Variants in SREK1 observed in about 807,000 individuals in gnomAD.
The protein encoded by SREK1 is splicing regulatory glutamic acid and lysine rich protein 1, also known as splicing regulatory glutamine/lysine-rich protein 1.
A neutral mutation model predicts 66.5 loss-of-function variants in SREK1; 13 were observed. The ratio of observed to expected loss-of-function variants is 0.20; its 90% CI spans 0.13 to 0.31. The LOEUF is 0.31. Ranked by LOEUF, SREK1 falls within the 10% of genes least tolerant of loss-of-function variation. SREK1 has a pLI of 1.00. For missense variants in SREK1, 607 were observed against 769.6 expected, an observed-to-expected ratio of 0.79 and a Z score of 2.50; for synonymous variants, 265 against 263.5, an observed-to-expected ratio of 1.01 and a Z score of -0.05.
At position 66,170,943 on chromosome 5, in the gene SREK1, A is replaced by C; in HGVS notation, c.1480A>C (p.Ser494Arg). Residue 494 changes from serine (S) to arginine (R), a missense_variant, in exon 9 of 12, where the codon AGC becomes CGC. This residue lies in a region of SREK1 where 318 missense variants were observed against 310.3 expected (regional missense o/e 1.02). Coordinates refer to ENST00000334121, the MANE Select transcript of SREK1 (RefSeq NM_001077199.3). ...TGCATCGCGAAGATCTCGTAGTTCC[A>C]GCAGGTTTGATAATGCTTAAAATTT... ...YNASRRSRSS[S>R]RERRRRRSRS... is the part of the protein sequence containing the mutation. 1 of 1,597,838 alleles carries C rather than the reference A, an allele frequency of 6.3e-7. No individual in the cohort carries two copies. Among genetic ancestry groups the C allele is most frequent in the Non-Finnish European group, 8.5e-7 (1 of 1,175,018 alleles).
intron 1 of SREK1, among the ~76,000 whole-genome samples, chr5:66,152,450 G>A (rs1249504624): frequency 6.6e-6 from 1 of 152,182 alleles, no homozygotes; most frequent in African/African-American, 2.4e-5. Flanking sequence ...TTAGTTGAAT[G>A]ATTACAGTTG....
chr5:66,160,302 A>G (rs1469284312), intron 3 of SREK1, among the ~76,000 whole-genome samples: 1 of 152,242 alleles, frequency 6.6e-6, no homozygotes, highest in Non-Finnish European at 1.5e-5. Flanking sequence ...TAGGAATTGA[A>G]CTAAGAAATG....
chr5:66,180,125 G>T lies in SREK1; in HGVS notation c.*1257G>T, dbSNP rs1007249976. ...TGTACTTAAGGACTTAGGAGTATAT[G>T]GGAGGTTATTGGTTTTATGTTTAAG... On this transcript the variant is annotated 3_prime_UTR_variant, in exon 12 of 12. Coordinates refer to ENST00000334121, the MANE Select transcript of SREK1 (RefSeq NM_001077199.3). 1.3e-5 allele frequency: 2 copies of T among 152,476 alleles called. No individual in the cohort carries two copies. Among genetic ancestry groups the T allele is most frequent in the Non-Finnish European group, 2.9e-5 (2 of 67,972 alleles). The allele number at this position is 152,476 out of a possible 1,614,324, so 9.4% of individuals were successfully genotyped here.
intron 1 of SREK1, chr5:66,145,007 T>C (rs1474839053): frequency 1.1e-4 from 111 of 986,672 alleles, no homozygotes; most frequent in Non-Finnish European, 1.3e-4. Flanking sequence ...CTGCTGCTGG[T>C]GACAAGATGG....
chr5:66,159,706 AAAACAG>A (rs2112008059), intron 3 of SREK1, among the ~76,000 whole-genome samples: 2 of 152,352 alleles, frequency 1.3e-5, no homozygotes, highest in African/African-American at 4.8e-5. Context: ...TAATGGGAAA[AAAACAG>A]GTCTTTGTCT....
rs1188230316 is a variant in SREK1, at chr5:66,179,569, T to A, written c.*701T>A. 6.6e-6 allele frequency: 1 copy of A among 152,566 alleles called. No homozygotes were observed. The highest frequency in any genetic ancestry group is 1.5e-5 in the Non-Finnish European group (1 of 67,970). 9.5% of individuals were successfully genotyped at this position (152,566 alleles called of 1,614,324 possible). A position where few individuals can be genotyped will look rare whatever the true frequency, so the allele number is the denominator to read the frequency against. On this transcript the variant is annotated 3_prime_UTR_variant, in exon 12 of 12. Transcript: ENST00000334121. Reference sequence around the variant, plus strand: ...TTGAATACTAATAATGATGAATTAGTATTCAGTGTTTAGAATCATTGGGAC... The same window carrying A: ...TTGAATACTAATAATGATGAATTAGAATTCAGTGTTTAGAATCATTGGGAC...
chr5:66,170,711 C>G lies in SREK1; in HGVS notation c.1248C>G (p.Asp416Glu). The G allele has an allele frequency of 6.2e-7, 1 of 1,604,224 alleles. No individual in the cohort carries two copies. Among genetic ancestry groups the G allele is most frequent in the Middle Eastern group, 1.7e-4 (1 of 5,904 alleles). ...EKEKERGKNK[D>E]RDKEREKDRE... ...AAAAGGAACGGGGTAAAAACAAAGACCGGGACAAGGAACGGGAAAAGGACC... is the reference window on the plus strand; with the variant it reads ...AAAAGGAACGGGGTAAAAACAAAGAGCGGGACAAGGAACGGGAAAAGGACC... The change falls in exon 9 of 12, where the codon GAC becomes GAG. Residue 416 changes from aspartate (D) to glutamate (E), a missense_variant. Physicochemically the swap from Asp to Glu is conservative, Grantham distance 45. Coordinates refer to ENST00000334121, the MANE Select transcript of SREK1 (RefSeq NM_001077199.3).
chr5:66,182,853 G>A lies in SREK1; in HGVS notation c.*3985G>A, dbSNP rs185204301. Reference sequence around the variant, plus strand: ...AAAGTGCTGAGATTACAGGTGTGAGGTACTGCACCTGGCAATACGTTATTT... The same window carrying A: ...AAAGTGCTGAGATTACAGGTGTGAGATACTGCACCTGGCAATACGTTATTT... On this transcript the variant is annotated 3_prime_UTR_variant, in exon 12 of 12. Coordinates refer to ENST00000334121, the MANE Select transcript of SREK1 (RefSeq NM_001077199.3). 1 of 152,242 alleles carries A rather than the reference G, an allele frequency of 6.6e-6. No homozygotes were observed. Among genetic ancestry groups the A allele is most frequent in the East Asian group, 1.9e-4 (1 of 5,180 alleles). 9.4% of individuals were successfully genotyped at this position (152,242 alleles called of 1,614,324 possible).
At chr5:66,167,484 A>G (rs1399380855) in intron 7 of SREK1, 3 of 152,220 alleles carry the variant, frequency 2.0e-5, no homozygotes, top group Non-Finnish European at 4.4e-5. Context: ...AAGATTTTGC[A>G]TTATTCAGAA....
chr5:66,172,489 C>T lies in SREK1; in HGVS notation c.1484+1542C>T, dbSNP rs192516013. ...TGACCCACTGCAACCTCCCCCTCCT[C>T]GGTTCACGTGATTCTTGTACCTCAG... On this transcript the variant is annotated intron_variant, in intron 9 of 11. Coordinates refer to ENST00000334121, the MANE Select transcript of SREK1 (RefSeq NM_001077199.3). Among the ~76,000 whole-genome samples the T allele has an allele frequency of 3.0e-3, 452 of 152,192 alleles. 4 individuals carry two copies. Among genetic ancestry groups the T allele is most frequent in the African/African-American group, 9.4e-3 (392 of 41,514 alleles).
At chr5:66,166,918 A>G (rs1745225680) in intron 7 of SREK1, 1 of 152,160 alleles carries the variant, frequency 6.6e-6, no homozygotes, top group Non-Finnish European at 1.5e-5. Context: ...ACCTAAAAAC[A>G]TTTAACTTAA....
rs563319382 is a variant in SREK1 at position 66,164,082 on chromosome 5, C to G, written c.886+160C>G. On this transcript the variant is annotated intron_variant, in intron 6 of 11. Coordinates refer to ENST00000334121, the MANE Select transcript of SREK1 (RefSeq NM_001077199.3). ...GTAGCATACTCATGTCAAAGAACAA[C>G]TTAGCCCATATTTTATCTCTTTCTG... The G allele has an allele frequency of 1.3e-4, 110 of 822,240 alleles. No individual in the cohort carries two copies. The African/African-American group carries it at 1.7e-3, about 13-fold the overall frequency. 50.9% of individuals were successfully genotyped at this position (822,240 alleles called of 1,614,324 possible).
intron 2 of SREK1, chr5:66,156,220 TTTTAC>T (rs1178413148): frequency 1.5e-6 from 2 of 1,301,732 alleles, no homozygotes; most frequent in African/African-American, 3.1e-5. Flanking sequence ...TTTTTTATTG[TTTTAC>T]TTTAATTTCA....
At chr5:66,168,580 C>G (rs577956193) in intron 7 of SREK1, 1 of 152,210 alleles carries the variant, frequency 6.6e-6, no homozygotes, top group East Asian at 1.9e-4. Flanking sequence ...CAAGGCTGAT[C>G]TTGAAATCCT....
intron 9 of SREK1, among the ~76,000 whole-genome samples, chr5:66,171,785 A>C (rs963299268): frequency 3.9e-5 from 6 of 152,202 alleles, no homozygotes; most frequent in African/African-American, 1.4e-4. Context: ...CTAGATAATA[A>C]AAGATAATCG....
intron 5 of SREK1, 98 bp downstream of exon 5, chr5:66,162,690 C>T: frequency 8.7e-7 from 1 of 1,150,700 alleles, no homozygotes; most frequent in South Asian, 1.8e-5. Context: ...TAGTAATTGG[C>T]AATTTGTGGA....
intron 1 of SREK1, among the ~76,000 whole-genome samples, chr5:66,152,311 G>T (rs1743917708): frequency 2.0e-5 from 3 of 152,174 alleles, no homozygotes; most frequent in Non-Finnish European, 4.4e-5. Flanking sequence ...ATTCTACGTT[G>T]TTTAAAGATG....
chr5:66,175,448 A>G (rs1745981593), intron 10 of SREK1, among the ~76,000 whole-genome samples: 1 of 152,150 alleles, frequency 6.6e-6, no homozygotes, highest in Non-Finnish European at 1.5e-5. Flanking sequence ...ATAATTGCGT[A>G]GGCTTCCGTT....
chr5:66,167,127 G>A (rs189600919), intron 7 of SREK1: 1 of 152,086 alleles, frequency 6.6e-6, no homozygotes, highest in Non-Finnish European at 1.5e-5. Context: ...ATTTTCAAAT[G>A]CTTCTAGAGC....
Sources: gnomAD v4.1 joint callset for allele counts (sites outside exome capture counted in the v4.1 genomes callset) on GRCh38, gnomAD v4.1.1 for gene constraint, gnomAD v4.1.1 regional missense constraint, MANE v1.5 for transcripts, NCBI Gene and HGNC (gene_info 2026-07-23, HGNC 2026-07-21) for gene names.